The following PRKG1 variants were observed in gnomAD, a reference collection of about 807,000 sequenced individuals.
PRKG1 encodes cGMP-dependent protein kinase 1.
In PRKG1, 35 loss-of-function variants were observed where a neutral mutation model predicts 88.1. That is an observed-to-expected ratio of 0.40 (90% CI 0.30 to 0.53). The LOEUF (loss-of-function observed/expected upper bound fraction) is 0.53. Among genes scored for constraint, PRKG1 ranks in the 20% least tolerant of loss-of-function variants. PRKG1 has a pLI of 0.59. For synonymous variants in PRKG1, 303 were observed against 292.5 expected, an observed-to-expected ratio of 1.04 and a Z score of -0.37; for missense variants, 540 against 839.8, an observed-to-expected ratio of 0.64 and a Z score of 4.41.
At chr10:51,192,720 A>G (rs917730382) in intron 2 of PRKG1, among the ~76,000 whole-genome samples, 1 of 152,032 alleles carries the variant, frequency 6.6e-6, no homozygotes, top group Non-Finnish European at 1.5e-5. Context: ...ATGGATTATC[A>G]GTCAATATGA....
At chr10:51,809,087 A>G (rs1839384644) in intron 4 of PRKG1, among the ~76,000 whole-genome samples, 1 of 152,112 alleles carries the variant, frequency 6.6e-6, no homozygotes, top group Non-Finnish European at 1.5e-5. Context: ...GTTTTTCTTT[A>G]TTGTCAAAGT....
At chr10:51,592,350 A>T (rs2097841079) in intron 3 of PRKG1, among the ~76,000 whole-genome samples, 1 of 152,164 alleles carries the variant, frequency 6.6e-6, no homozygotes, top group African/African-American at 2.4e-5. Flanking sequence ...CATGAGTGGG[A>T]TCTACTAGGA....
At chr10:51,536,674 A>C (rs1420093710) in intron 3 of PRKG1, among the ~76,000 whole-genome samples, 1 of 151,522 alleles carries the variant, frequency 6.6e-6, no homozygotes, top group Non-Finnish European at 1.5e-5. Flanking sequence ...TTATACTTTA[A>C]GTTTTAGGGT....
intron 2 of PRKG1, among the ~76,000 whole-genome samples, chr10:51,270,347 C>T (rs562843807): frequency 6.6e-6 from 1 of 152,226 alleles, no homozygotes; most frequent in South Asian, 2.1e-4. Flanking sequence ...AAGCTCTGAT[C>T]ATTCATTTTG....
At chr10:51,570,307 A>T (rs1363412129) in intron 3 of PRKG1, among the ~76,000 whole-genome samples, 1 of 151,792 alleles carries the variant, frequency 6.6e-6, no homozygotes, top group African/African-American at 2.4e-5. Flanking sequence ...AATTCAATGA[A>T]CACATATTTT....
intron 9 of PRKG1, chr10:52,231,053 A>T (rs1483115040): frequency 2.0e-5 from 3 of 152,206 alleles, no homozygotes; most frequent in Admixed American, 6.5e-5. Context: ...TTCTTCATGG[A>T]GCACCCCATT....
At chr10:51,895,881 T>A (rs946294438) in intron 4 of PRKG1, among the ~76,000 whole-genome samples, 12 of 151,948 alleles carry the variant, frequency 7.9e-5, no homozygotes, top group African/African-American at 2.7e-4. Flanking sequence ...CCTAGAGAGG[T>A]TGACCTGAAG....
At chr10:52,066,430 C>G (rs1351883272) in intron 7 of PRKG1, among the ~76,000 whole-genome samples, 2 of 151,982 alleles carry the variant, frequency 1.3e-5, no homozygotes, top group East Asian at 3.8e-4. Context: ...TATCAAATAC[C>G]CACATATTTT....
chr10:51,009,459 G>T (rs1449125941), intron 1 of PRKG1, among the ~76,000 whole-genome samples: 2 of 152,044 alleles, frequency 1.3e-5, no homozygotes, highest in Admixed American at 1.3e-4. Flanking sequence ...TTACTAGAGG[G>T]TTTTTGTTAA....
intron 4 of PRKG1, among the ~76,000 whole-genome samples, chr10:51,865,943 T>C (rs754434136): frequency 2.6e-5 from 4 of 151,978 alleles, no homozygotes; most frequent in South Asian, 2.1e-4. Flanking sequence ...CAGTATTGTA[T>C]TGGAATTTTT....
intron 3 of PRKG1, among the ~76,000 whole-genome samples, chr10:51,624,083 ACT>A (rs1390771734): frequency 6.6e-6 from 1 of 152,018 alleles, no homozygotes; most frequent in African/African-American, 2.4e-5. Context: ...CAGAAAAGTG[ACT>A]CTCTTACTTT....
At chr10:51,639,649 T>A (rs1839749320) in intron 3 of PRKG1, among the ~76,000 whole-genome samples, 1 of 151,124 alleles carries the variant, frequency 6.6e-6, no homozygotes, top group East Asian at 1.9e-4. Context: ...AGAAATAAAC[T>A]TTTTATGCCA....
chr10:51,706,113 A>G (rs1841597720), intron 3 of PRKG1, among the ~76,000 whole-genome samples: 1 of 152,226 alleles, frequency 6.6e-6, no homozygotes, highest in African/African-American at 2.4e-5. Context: ...AATTTGCAGG[A>G]CTATAGTTAA....
At chr10:51,773,966 AAAC>A (rs1301226250) in intron 3 of PRKG1, among the ~76,000 whole-genome samples, 1 of 152,114 alleles carries the variant, frequency 6.6e-6, no homozygotes, top group African/African-American at 2.4e-5. Flanking sequence ...TATGGGAGAA[AAAC>A]AACAAAGTAC....
At chr10:52,245,097 A>G (rs1424928016) in intron 9 of PRKG1, among the ~76,000 whole-genome samples, 2 of 151,658 alleles carry the variant, frequency 1.3e-5, no homozygotes, top group African/African-American at 4.8e-5. Flanking sequence ...ATTATCACAT[A>G]AAATCCTGTG....
At chr10:51,519,434 C>A (rs1462465918) in intron 3 of PRKG1, among the ~76,000 whole-genome samples, 2 of 152,034 alleles carry the variant, frequency 1.3e-5, no homozygotes, top group African/African-American at 4.8e-5. Context: ...ATCTTCTCCT[C>A]TTAAGGTACA....
chr10:51,321,188 A>G (rs1164102748), intron 2 of PRKG1, among the ~76,000 whole-genome samples: 4 of 152,186 alleles, frequency 2.6e-5, no homozygotes, highest in African/African-American at 7.2e-5. Flanking sequence ...TTTGAAGCCA[A>G]ACTGACCTCT....
chr10:51,228,339 G>A (rs1466737196), intron 2 of PRKG1, among the ~76,000 whole-genome samples: 1 of 152,030 alleles, frequency 6.6e-6, no homozygotes, highest in East Asian at 1.9e-4. Context: ...TGAGGCAGCT[G>A]CCACACTCTC....
At chr10:52,282,785 G>T (rs1478108841) in intron 14 of PRKG1, among the ~76,000 whole-genome samples, 1 of 151,942 alleles carries the variant, frequency 6.6e-6, no homozygotes, top group African/African-American at 2.4e-5. Flanking sequence ...GACACCACAA[G>T]GTATAAAACA....
Sources: gnomAD v4.1 joint callset for allele counts (sites outside exome capture counted in the v4.1 genomes callset) on GRCh38, gnomAD v4.1.1 for gene constraint, MANE v1.5 for transcripts, NCBI Gene and HGNC (gene_info 2026-07-23, HGNC 2026-07-21) for gene names.